MYO10: variants seen among roughly 807,000 people sequenced by gnomAD.
MYO10 encodes the protein myosin X.
MYO10 carries 133 observed loss-of-function variants against 257.3 expected under a neutral mutation model. That is an observed-to-expected ratio of 0.52 (90% CI 0.45 to 0.60). The LOEUF (loss-of-function observed/expected upper bound fraction) is 0.60, where lower values mean the gene tolerates loss of function less well. MYO10 is among the 20% of genes least tolerant of loss of function. The pLI is 0.00. For synonymous variants in MYO10, 1,104 were observed against 1,028.6 expected, an observed-to-expected ratio of 1.07 and a Z score of -1.40; for missense variants, 2,399 against 2,635.7, an observed-to-expected ratio of 0.91 and a Z score of 1.97.
At chr5:16,700,740 A>T (rs187876839) in intron 25 of MYO10, among the ~76,000 whole-genome samples, 78 of 152,356 alleles carry the variant, frequency 5.1e-4, no homozygotes, top group African/African-American at 1.8e-3. Context: ...GGCACAGCTC[A>T]GCTCTAGGCT....
At chr5:16,670,262 T>C (rs1473961956) in intron 39 of MYO10, among the ~76,000 whole-genome samples, 2 of 152,214 alleles carry the variant, frequency 1.3e-5, no homozygotes. Context: ...ATTAGATCTA[T>C]AGCTTCCCTA....
Position 16,727,947 on chromosome 5 carries a change from T to C in MYO10, c.1930-16702A>G, listed in dbSNP as rs905657357. Among the ~76,000 whole-genome samples the C allele has an allele frequency of 1.4e-4, 22 of 151,842 alleles. 1 individual carries two copies. The highest frequency in any genetic ancestry group is 1.3e-3 in the Admixed American group (20 of 15,244). ...TGCCTAACAGCTCTCCAGTGTTTAG[T>C]ACAAGCCCTTTCTCTTTAATTATGT... On this transcript the variant is annotated intron_variant, in intron 19 of 40. Coordinates refer to ENST00000513610, the MANE Select transcript of MYO10 (RefSeq NM_012334.3).
chr5:16,684,891 C>CA lies in MYO10; in HGVS notation c.3990+846dup, dbSNP rs564489361. Among the ~76,000 whole-genome samples, 1,125 of 152,046 alleles carry CA rather than the reference C, an allele frequency of 7.4e-3. 5 individuals are homozygous for CA. Among genetic ancestry groups the CA allele is most frequent in the Non-Finnish European group, 0.01 (689 of 67,976 alleles). On this transcript the variant is annotated intron_variant, in intron 29 of 40. Coordinates refer to ENST00000513610, the MANE Select transcript of MYO10 (RefSeq NM_012334.3). ...GTGAAACCCTGTTTCTACTAAAATACAAAAAATTAGCCGGGTGTGGCGGCA... is the reference window on the plus strand; with the variant it reads ...GTGAAACCCTGTTTCTACTAAAATACAAAAAAATTAGCCGGGTGTGGCGGCA...
chr5:16,702,611 G>T, intron 23 of MYO10, 23 bp from the exon 24 acceptor site: 3 of 1,563,780 alleles, frequency 1.9e-6, no homozygotes, highest in Non-Finnish European at 2.6e-6. Context: ...AAGGAAAAGT[G>T]AAAATCAACA....
chr5:16,879,005 A>G (rs1393839634), intron 1 of MYO10, among the ~76,000 whole-genome samples: 1 of 152,010 alleles, frequency 6.6e-6, no homozygotes, highest in African/African-American at 2.4e-5. Flanking sequence ...AAAGAAAAAA[A>G]AAGAATTACT....
At chr5:16,802,681 AG>A (rs1580006949) in intron 3 of MYO10, among the ~76,000 whole-genome samples, 1 of 151,330 alleles carries the variant, frequency 6.6e-6, no homozygotes, top group East Asian at 1.9e-4. Flanking sequence ...AAAGAAAGAA[AG>A]AAAAATTAAA....
In MYO10 at chr5:16,781,841, G is replaced by T; in HGVS notation, c.603-12C>A. Reference sequence around the variant, plus strand: ...CTTCCATGATGGGGCTGTGAAGACAGTGAGGGCAGCAGACAGCATTAATAA... The same window carrying T: ...CTTCCATGATGGGGCTGTGAAGACATTGAGGGCAGCAGACAGCATTAATAA... On this transcript the variant is annotated splice_polypyrimidine_tract_variant and intron_variant, in intron 5 of 40. Coordinates refer to ENST00000513610, the MANE Select transcript of MYO10 (RefSeq NM_012334.3). 6.2e-7 allele frequency: 1 copy of T among 1,613,886 alleles called. No individual in the cohort carries two copies. Among genetic ancestry groups the T allele is most frequent in the Non-Finnish European group, 8.5e-7 (1 of 1,179,834 alleles).
At chr5:16,907,548 C>T (rs565391913) in intron 1 of MYO10, among the ~76,000 whole-genome samples, 28 of 152,306 alleles carry the variant, frequency 1.8e-4, no homozygotes, top group African/African-American at 5.8e-4. Flanking sequence ...ACAATTTCAT[C>T]CATCCTGAAA....
chr5:16,784,363 A>G (rs913258769), intron 4 of MYO10, among the ~76,000 whole-genome samples: 7 of 152,234 alleles, frequency 4.6e-5, no homozygotes, highest in Non-Finnish European at 1.0e-4. Context: ...GGCCACCTGT[A>G]GGAAACGCAG....
intron 2 of MYO10, among the ~76,000 whole-genome samples, chr5:16,867,871 A>G (rs899047283): frequency 6.6e-6 from 1 of 152,218 alleles, no homozygotes; most frequent in Admixed American, 6.5e-5. Context: ...AGAGAGAAGG[A>G]CATGGAGGAG....
intron 1 of MYO10, among the ~76,000 whole-genome samples, chr5:16,878,532 T>C (rs1160202826): frequency 6.6e-6 from 1 of 152,218 alleles, no homozygotes; most frequent in Non-Finnish European, 1.5e-5. Context: ...TTTTCAAGGC[T>C]CAATTTCATC....
intron 9 of MYO10, among the ~76,000 whole-genome samples, chr5:16,773,612 T>A (rs937548543): frequency 6.4e-4 from 97 of 150,648 alleles, no homozygotes; most frequent in African/African-American, 2.4e-3. Context: ...CAGAGAGCCA[T>A]TATCACACCA....
At chr5:16,809,813 A>G (rs59233189) in intron 3 of MYO10, among the ~76,000 whole-genome samples, 4,032 of 152,238 alleles carry the variant, frequency 0.026, 162 homozygotes, top group African/African-American at 0.092. Flanking sequence ...GGCAAGACAA[A>G]CAAACTAACC....
At chr5:16,778,858 T>C (rs1343947622) in intron 9 of MYO10, among the ~76,000 whole-genome samples, 1 of 151,864 alleles carries the variant, frequency 6.6e-6, no homozygotes, top group Admixed American at 6.6e-5. Context: ...GCCCGGCTAA[T>C]TGTTTGTATT....
chr5:16,809,358 G>A lies in MYO10; in HGVS notation c.279+8651C>T, dbSNP rs568568320. On this transcript the variant is annotated intron_variant, in intron 3 of 40. Transcript: ENST00000513610. ...GCGCTGTGACTTGACTCGAGCCTTGGAAAGGGATGTAAACAAGCCAACCAA... is the reference window on the plus strand; with the variant it reads ...GCGCTGTGACTTGACTCGAGCCTTGAAAAGGGATGTAAACAAGCCAACCAA... Among the ~76,000 whole-genome samples the A allele has an allele frequency of 1.3e-4, 20 of 152,344 alleles. No homozygotes were observed. The South Asian group carries it at 2.3e-3, about 17-fold the overall frequency.
intron 1 of MYO10, among the ~76,000 whole-genome samples, chr5:16,904,098 A>C (rs913996527): frequency 2.1e-5 from 3 of 139,540 alleles, no homozygotes; most frequent in Admixed American, 6.9e-5. Context: ...CTGAAGGTTG[A>C]CCAGTAACCA....
intron 19 of MYO10, among the ~76,000 whole-genome samples, chr5:16,718,199 C>T (rs31294): frequency 0.061 from 9,273 of 152,310 alleles, 423 homozygotes; most frequent in East Asian, 0.16. Flanking sequence ...TGGAGCAAGG[C>T]TCGGGACCTG....
chr5:16,759,921 T>C (rs1740653212), intron 17 of MYO10, among the ~76,000 whole-genome samples: 1 of 152,188 alleles, frequency 6.6e-6, no homozygotes, highest in Non-Finnish European at 1.5e-5. Context: ...TCTAGGCTGA[T>C]ACTACCTTAT....
intron 18 of MYO10, among the ~76,000 whole-genome samples, chr5:16,755,704 C>A (rs1740508562): frequency 6.7e-6 from 1 of 149,954 alleles, no homozygotes; most frequent in Non-Finnish European, 1.5e-5. Flanking sequence ...ATCTTTAATA[C>A]TACTTTCTTT....
Sources: gnomAD v4.1 joint callset for allele counts (sites outside exome capture counted in the v4.1 genomes callset) on GRCh38, gnomAD v4.1.1 for gene constraint, MANE v1.5 for transcripts, NCBI Gene and HGNC (gene_info 2026-07-23, HGNC 2026-07-21) for gene names.